Variants in MYO3B observed in about 807,000 individuals in gnomAD.
MYO3B encodes the protein myosin-IIIb.
In MYO3B, 156 loss-of-function variants were observed where a neutral mutation model predicts 174.6. The observed-to-expected ratio is 0.89, with a 90% CI of 0.78 to 1.02. MYO3B has a LOEUF of 1.02. Ranked by LOEUF, MYO3B falls within the 50% of genes least tolerant of loss-of-function variation. MYO3B has a pLI of 0.00. For synonymous variants in MYO3B, 563 were observed against 569.1 expected (o/e 0.99, Z 0.15); for missense variants, 1,632 against 1,639.4 (o/e 1.00, Z 0.08).
At chr2:170,539,478 C>T (rs1234567675) in intron 30 of MYO3B, among the ~76,000 whole-genome samples, 1 of 152,158 alleles carries the variant, frequency 6.6e-6, no homozygotes, top group Non-Finnish European at 1.5e-5. Context: ...TCTGATTTCT[C>T]CAGTGTACAT....
intron 32 of MYO3B, among the ~76,000 whole-genome samples, chr2:170,650,409 A>C (rs564985012): frequency 6.6e-6 from 1 of 152,214 alleles, no homozygotes; most frequent in Non-Finnish European, 1.5e-5. Flanking sequence ...AATCGTGGAA[A>C]TCTCTGGTGA....
At chr2:170,339,994 C>G (rs1476547023) in intron 8 of MYO3B, among the ~76,000 whole-genome samples, 2 of 152,194 alleles carry the variant, frequency 1.3e-5, no homozygotes, top group Non-Finnish European at 2.9e-5. Context: ...TTATCTGGTT[C>G]AAGTACCAGC....
chr2:170,619,379 C>T lies in MYO3B; in HGVS notation c.3734-32249C>T, dbSNP rs867738816. 3.5e-4 allele frequency among the ~76,000 whole-genome samples: 53 copies of T among 152,266 alleles called. No homozygotes were observed. In the Middle Eastern group the frequency reaches 0.014, roughly 39 times the overall value. On this transcript the variant is annotated intron_variant, in intron 32 of 34. Transcript: ENST00000408978. ...TGTCTTTACACAATCCTGCATGCAACTTTGTATTTACAATAATCAGGAGCA... is the reference window on the plus strand; with the variant it reads ...TGTCTTTACACAATCCTGCATGCAATTTTGTATTTACAATAATCAGGAGCA...
intron 6 of MYO3B, among the ~76,000 whole-genome samples, chr2:170,226,869 G>T (rs1335362862): frequency 6.6e-6 from 1 of 152,148 alleles, no homozygotes; most frequent in Non-Finnish European, 1.5e-5. Context: ...GGTGAGAAGG[G>T]TCAAAGCATC....
At chr2:170,319,760 A>G (rs1042678785) in intron 7 of MYO3B, among the ~76,000 whole-genome samples, 2 of 152,140 alleles carry the variant, frequency 1.3e-5, no homozygotes, top group African/African-American at 4.8e-5. Flanking sequence ...ATGAAGAGAA[A>G]ATCTTGAAAT....
intron 3 of MYO3B, among the ~76,000 whole-genome samples, chr2:170,208,593 TG>T (rs1418245603): frequency 4.6e-5 from 7 of 152,228 alleles, no homozygotes; most frequent in African/African-American, 1.7e-4. Flanking sequence ...TGGAGATTCC[TG>T]GTTGGTTCAC....
chr2:170,258,473 T>C (rs1283518834), intron 7 of MYO3B, among the ~76,000 whole-genome samples: 1 of 152,118 alleles, frequency 6.6e-6, no homozygotes, highest in African/African-American at 2.4e-5. Flanking sequence ...TATGATCATC[T>C]CAATAGATAT....
In MYO3B at chr2:170,178,309, C is replaced by T. The variant is rs760375492; in HGVS notation, c.2+20C>T. 77 of 1,613,988 alleles carry T rather than the reference C, an allele frequency of 4.8e-5. No individual in the cohort carries two copies. The South Asian group carries it at 8.3e-4, about 17-fold the overall frequency. On this transcript the variant is annotated intron_variant, in intron 1 of 34. Transcript: ENST00000408978. ...ATCGATGTGAGTTGCAGTTATTTTCCTTCCAGCTTTCTTCTGTGCTTGCTT... is the reference window on the plus strand; with the variant it reads ...ATCGATGTGAGTTGCAGTTATTTTCTTTCCAGCTTTCTTCTGTGCTTGCTT...
chr2:170,269,718 A>G (rs2105366994), intron 7 of MYO3B, among the ~76,000 whole-genome samples: 1 of 152,338 alleles, frequency 6.6e-6, no homozygotes, highest in East Asian at 1.9e-4. Context: ...CCAAACAATT[A>G]GGATATATAA....
intron 20 of MYO3B, among the ~76,000 whole-genome samples, chr2:170,405,232 T>C (rs1460256014): frequency 1.3e-5 from 2 of 152,290 alleles, no homozygotes; most frequent in East Asian, 3.9e-4. Context: ...GTTGTCCAGA[T>C]GAGTTTAAAC....
intron 28 of MYO3B, among the ~76,000 whole-genome samples, chr2:170,509,813 C>G (rs1030105208): frequency 6.6e-6 from 1 of 152,192 alleles, no homozygotes; most frequent in Admixed American, 6.5e-5. Context: ...TTGTTGCCTT[C>G]TGGTGTGGAA....
chr2:170,241,051 T>C (rs1035624), intron 7 of MYO3B, among the ~76,000 whole-genome samples: 85,206 of 151,806 alleles, frequency 0.56, 24,140 homozygotes, highest in East Asian at 0.71. Context: ...ATCTCCCGTG[T>C]CAGGGCTATT....
Position 170,651,618 on chromosome 2 carries a change from C to CT in MYO3B, c.3734-4dup. 1 of 1,613,688 alleles carries CT rather than the reference C, an allele frequency of 6.2e-7. No individual in the cohort carries two copies. Among genetic ancestry groups the CT allele is most frequent in the African/African-American group, 1.3e-5 (1 of 75,004 alleles). ...GGACAGTTTACAGCAAAGTTTTGCT[C>CT]TTTTTTCAGGTTCAGAAAATGGTCT... On this transcript the variant is annotated splice_polypyrimidine_tract_variant and intron_variant, in intron 32 of 34. Transcript: ENST00000408978.
chr2:170,363,447 G>A (rs2105656418), intron 8 of MYO3B, among the ~76,000 whole-genome samples: 1 of 152,270 alleles, frequency 6.6e-6, no homozygotes, highest in Admixed American at 6.5e-5. Context: ...GCAGTTTACA[G>A]GCACAGAGTA....
At chr2:170,626,835 G>C (rs1696482245) in intron 32 of MYO3B, among the ~76,000 whole-genome samples, 1 of 152,246 alleles carries the variant, frequency 6.6e-6, no homozygotes, top group South Asian at 2.1e-4. Flanking sequence ...ATGAAATTCT[G>C]GGTTGAAAAT....
chr2:170,313,693 T>A (rs1001599532), intron 7 of MYO3B, among the ~76,000 whole-genome samples: 8 of 152,218 alleles, frequency 5.3e-5, no homozygotes, highest in African/African-American at 1.9e-4. Flanking sequence ...TTCCCCCTCT[T>A]CTGACAGGGC....
intron 7 of MYO3B, among the ~76,000 whole-genome samples, chr2:170,321,865 C>T (rs1199194987): frequency 2.0e-5 from 3 of 152,234 alleles, no homozygotes; most frequent in South Asian, 2.1e-4. Flanking sequence ...CCTGTAATCC[C>T]AGCACTCTGG....
chr2:170,207,582 G>C (rs1409040202), intron 3 of MYO3B, among the ~76,000 whole-genome samples: 1 of 151,380 alleles, frequency 6.6e-6, no homozygotes, highest in Non-Finnish European at 1.5e-5. Flanking sequence ...GAAATTAACT[G>C]TTCCTAGTTT....
At chr2:170,584,494 G>A (rs1693370586) in intron 32 of MYO3B, among the ~76,000 whole-genome samples, 1 of 152,170 alleles carries the variant, frequency 6.6e-6, no homozygotes, top group Middle Eastern at 3.2e-3. Flanking sequence ...TGTGGAAAAT[G>A]TATTGCTTGT....
Sources: gnomAD v4.1 joint callset for allele counts (sites outside exome capture counted in the v4.1 genomes callset) on GRCh38, gnomAD v4.1.1 for gene constraint, MANE v1.5 for transcripts, NCBI Gene and HGNC (gene_info 2026-07-23, HGNC 2026-07-21) for gene names.